AR: variants seen among roughly 807,000 people sequenced by gnomAD.
AR encodes the protein androgen receptor.
A neutral mutation model predicts 53.9 loss-of-function variants in AR; 8 were observed. The ratio of observed to expected loss-of-function variants is 0.15; its 90% CI spans 0.09 to 0.27. The LOEUF (loss-of-function observed/expected upper bound fraction) is 0.27. AR is among the 10% of genes least tolerant of loss of function. The pLI is 1.00. For missense variants in AR, 639 were observed against 742.5 expected (o/e 0.86, Z 1.62); for synonymous variants, 359 against 316.4 (o/e 1.13, Z -1.43).
intron 2 of AR, among the ~76,000 whole-genome samples, chrX:67,675,737 T>G (rs1463436936): frequency 8.9e-6 from 1 of 112,137 alleles, no homozygotes; most frequent in Non-Finnish European, 1.9e-5. Context: ...TGGTATGATA[T>G]TAAAACCAGT....
chrX:67,650,363 G>T (rs996704228), intron 2 of AR, among the ~76,000 whole-genome samples: 6 of 111,970 alleles, frequency 5.4e-5, no homozygotes, highest in Non-Finnish European at 1.1e-4. Context: ...TCCATATTCT[G>T]CAGTCAGAAG....
chrX:67,650,652 C>T (rs950161554), intron 2 of AR, among the ~76,000 whole-genome samples: 9 of 112,434 alleles, frequency 8.0e-5, no homozygotes, highest in African/African-American at 2.9e-4. Context: ...TTTTCATGTT[C>T]CTTCCCTGTC....
At chrX:67,652,110 C>T (rs1011988583) in intron 2 of AR, among the ~76,000 whole-genome samples, 1 of 111,929 alleles carries the variant, frequency 8.9e-6, no homozygotes, top group African/African-American at 3.2e-5. Flanking sequence ...ATCCACTTCC[C>T]TCCTCCTCAA....
At chrX:67,600,722 A>G (rs1923314009) in intron 1 of AR, among the ~76,000 whole-genome samples, 1 of 111,677 alleles carries the variant, frequency 9.0e-6, no homozygotes, top group African/African-American at 3.2e-5. Flanking sequence ...ATTGTAACAC[A>G]AAGAATAAAT....
chrX:67,724,675 T>C lies in AR; in HGVS notation c.*834T>C. 1 of 175,533 alleles carries C rather than the reference T, an allele frequency of 5.7e-6. No individual in the cohort carries two copies. Among genetic ancestry groups the C allele is most frequent in the African/African-American group, 2.9e-5 (1 of 34,340 alleles). The allele number at this position is 175,533 out of a possible 1,213,427, so 14.5% of individuals were successfully genotyped here. On this transcript the variant is annotated 3_prime_UTR_variant, in exon 8 of 8. Coordinates refer to ENST00000374690, the MANE Select transcript of AR (RefSeq NM_000044.6). Reference sequence around the variant, plus strand: ...GTGGAGCAATTCATTATACTGAAAATGTGCTTGTTGTTGAAAATTTGTCTG... The same window carrying C: ...GTGGAGCAATTCATTATACTGAAAACGTGCTTGTTGTTGAAAATTTGTCTG...
intron 1 of AR, among the ~76,000 whole-genome samples, chrX:67,607,659 A>G (rs1035166772): frequency 8.9e-6 from 1 of 112,174 alleles, no homozygotes; most frequent in Non-Finnish European, 1.9e-5. Context: ...ATTTTGTTTA[A>G]AGTGTGATTC....
intron 2 of AR, among the ~76,000 whole-genome samples, chrX:67,658,366 AG>A (rs2080819484): frequency 8.9e-6 from 1 of 112,359 alleles, no homozygotes; most frequent in African/African-American, 3.2e-5. Flanking sequence ...AGGAAGGGAT[AG>A]TAGAGAGAAA....
chrX:67,552,406 A>T (rs1210284911), intron 1 of AR, among the ~76,000 whole-genome samples: 1 of 112,365 alleles, frequency 8.9e-6, no homozygotes, highest in African/African-American at 3.2e-5. Context: ...ACCACATTCT[A>T]TCTATCCATT....
rs781301716 is a variant in AR at position 67,546,889 on chromosome X, A to G, written c.1616+127A>G. On this transcript the variant is annotated intron_variant, in intron 1 of 7. Coordinates refer to ENST00000374690, the MANE Select transcript of AR (RefSeq NM_000044.6). ...CCCCTGGGAGAGCTCAGCAGGGTAAACCTAGAGCTCTCCCGTGGACTCCCG... is the reference window on the plus strand; with the variant it reads ...CCCCTGGGAGAGCTCAGCAGGGTAAGCCTAGAGCTCTCCCGTGGACTCCCG... 9.2e-5 allele frequency: 72 copies of G among 784,273 alleles called. No individual in the cohort carries two copies. The South Asian group carries it at 1.7e-3, about 18-fold the overall frequency. 64.6% of individuals were successfully genotyped at this position (784,273 alleles called of 1,213,427 possible).
At position 67,598,996 on chromosome X, in the gene AR, C is replaced by G. The variant is rs565274370; in HGVS notation, c.1617-44260C>G. On this transcript the variant is annotated intron_variant, in intron 1 of 7. Transcript: ENST00000374690. ...TGGTAATGGAGCAATAGAAACAACA[C>G]TAGTTCAAGTGGAAACGTGAGATGA... Among the ~76,000 whole-genome samples, 20 of 111,181 alleles carry G rather than the reference C, an allele frequency of 1.8e-4. No individual in the cohort carries two copies. In the Admixed American group the frequency reaches 1.9e-3, roughly 11 times the overall value.
chrX:67,651,705 A>G (rs1926355354), intron 2 of AR, among the ~76,000 whole-genome samples: 1 of 111,971 alleles, frequency 8.9e-6, no homozygotes, highest in Admixed American at 9.5e-5. Context: ...GAAACCACCA[A>G]GTATCGCTAA....
chrX:67,670,714 A>G (rs2075859771), intron 2 of AR, among the ~76,000 whole-genome samples: 1 of 110,523 alleles, frequency 9.0e-6, no homozygotes, highest in East Asian at 2.8e-4. Flanking sequence ...TGCCATATAC[A>G]TTAAGTATTT....
intron 2 of AR, among the ~76,000 whole-genome samples, chrX:67,678,069 A>C (rs1485139946): frequency 9.0e-6 from 1 of 110,594 alleles, no homozygotes; most frequent in East Asian, 2.9e-4. Flanking sequence ...TCAGTTTCTC[A>C]ATCTGTAAAA....
At chrX:67,551,001 GTT>G (rs1213943835) in intron 1 of AR, among the ~76,000 whole-genome samples, 14 of 76,597 alleles carry the variant, frequency 1.8e-4, no homozygotes, top group Admixed American at 1.4e-4. Flanking sequence ...GAATAGCTGG[GTT>G]TTTTTTTTTT....
At chrX:67,685,847 A>G (rs1174936250) in intron 2 of AR, 163 bp from the exon 3 acceptor site, 35 of 752,553 alleles carry the variant, frequency 4.7e-5, no homozygotes, top group Non-Finnish European at 5.6e-5. Flanking sequence ...AACTGTTTGA[A>G]TATTTAGGTT....
At chrX:67,648,767 C>T (rs1178012627) in intron 2 of AR, among the ~76,000 whole-genome samples, 1 of 112,152 alleles carries the variant, frequency 8.9e-6, no homozygotes, top group East Asian at 2.8e-4. Context: ...AGCACTTGCA[C>T]CATTATGTAA....
intron 3 of AR, among the ~76,000 whole-genome samples, chrX:67,692,219 C>T (rs1381777279): frequency 3.6e-5 from 4 of 112,086 alleles, no homozygotes; most frequent in Non-Finnish European, 5.6e-5. Flanking sequence ...GAATTAACAA[C>T]GTGGAACTCA....
chrX:67,695,266 C>G, intron 3 of AR: 1 of 754,219 alleles, frequency 1.3e-6, no homozygotes, highest in Non-Finnish European at 1.6e-6. Flanking sequence ...TGGATCCCAG[C>G]CAGTGACCTA....
intron 1 of AR, among the ~76,000 whole-genome samples, chrX:67,565,734 T>A (rs781615740): frequency 5.4e-5 from 6 of 111,126 alleles, no homozygotes; most frequent in Non-Finnish European, 7.5e-5. Context: ...AGAGTCTCAC[T>A]CAGGCTGGAG....
Sources: allele counts gnomAD v4.1 joint callset (sites outside exome capture counted in the v4.1 genomes callset), GRCh38; gene constraint gnomAD v4.1.1; transcripts MANE v1.5; gene names NCBI Gene and HGNC (gene_info 2026-07-23, HGNC 2026-07-21).